Variants in SEMA6A observed in about 807,000 individuals in gnomAD.
SEMA6A encodes semaphorin 6A.
A neutral mutation model predicts 96.8 loss-of-function variants in SEMA6A; 25 were observed. That is an observed-to-expected ratio of 0.26 (90% CI 0.19 to 0.36). The LOEUF is 0.36. SEMA6A is among the 10% of genes least tolerant of loss of function. SEMA6A has a pLI of 1.00. For missense variants in SEMA6A, 1,363 were observed against 1,323.1 expected (o/e 1.03, Z -0.47); for synonymous variants, 612 against 518.0 (o/e 1.18, Z -2.46).
At chr5:116,478,432 A>T (rs779806094) in intron 13 of SEMA6A, 110 bp downstream of exon 13, 174 of 1,178,196 alleles carry the variant, frequency 1.5e-4, no homozygotes, top group South Asian at 6.0e-4. Flanking sequence ...AGCACTAAAA[A>T]GTCATCTAAA....
intron 16 of SEMA6A, among the ~76,000 whole-genome samples, chr5:116,474,305 C>CACACACACATCT (rs751871641): frequency 3.3e-5 from 5 of 151,888 alleles, no homozygotes; most frequent in Non-Finnish European, 7.4e-5. Context: ...CACACACACA[C>CACACACACATCT]ACACATCTTA....
intron 4 of SEMA6A, 98 bp downstream of exon 4, chr5:116,497,229 G>A: frequency 1.4e-6 from 1 of 700,164 alleles, no homozygotes; most frequent in Admixed American, 2.9e-5. Flanking sequence ...TCTAAATTAT[G>A]ATTAGCTACA....
intron 18 of SEMA6A, among the ~76,000 whole-genome samples, chr5:116,458,670 G>T (rs989465367): frequency 1.7e-4 from 26 of 152,166 alleles, no homozygotes; most frequent in African/African-American, 6.3e-4. Context: ...ACTCAAATAC[G>T]GGTGTGCAAA....
At chr5:116,490,625 G>A (rs1194102585) in intron 7 of SEMA6A, among the ~76,000 whole-genome samples, 1 of 152,144 alleles carries the variant, frequency 6.6e-6, no homozygotes, top group Non-Finnish European at 1.5e-5. Context: ...TTTAGGGGGA[G>A]AACCCGAGGA....
At chr5:116,535,806 T>TCAAGAGA (rs1759682600) in intron 1 of SEMA6A, among the ~76,000 whole-genome samples, 1 of 152,248 alleles carries the variant, frequency 6.6e-6, no homozygotes, top group Non-Finnish European at 1.5e-5. Context: ...ACTCTCTTGA[T>TCAAGAGA]TTTTCAACAA....
intron 18 of SEMA6A, among the ~76,000 whole-genome samples, chr5:116,451,820 C>T (rs1580441127): frequency 6.6e-6 from 1 of 151,994 alleles, no homozygotes; most frequent in Non-Finnish European, 1.5e-5. Flanking sequence ...AAAAATAAAT[C>T]TATAATGGTG....
At chr5:116,491,427 T>G (rs1329707008) in intron 7 of SEMA6A, among the ~76,000 whole-genome samples, 1 of 151,290 alleles carries the variant, frequency 6.6e-6, no homozygotes, top group African/African-American at 2.4e-5. Context: ...AAATTTAATT[T>G]TTTTTTTTTA....
chr5:116,542,420 A>G (rs1351837781), intron 1 of SEMA6A, among the ~76,000 whole-genome samples: 2 of 152,046 alleles, frequency 1.3e-5, no homozygotes, highest in African/African-American at 2.4e-5. Flanking sequence ...TTTTACAGGC[A>G]TATATCATTT....
chr5:116,474,533 A>G (rs1050515886), intron 16 of SEMA6A, among the ~76,000 whole-genome samples: 1 of 152,234 alleles, frequency 6.6e-6, no homozygotes, highest in African/African-American at 2.4e-5. Context: ...AATGAAAAAT[A>G]TGTATATGGC....
intron 4 of SEMA6A, among the ~76,000 whole-genome samples, chr5:116,497,078 G>A (rs1757638722): frequency 6.6e-6 from 1 of 152,204 alleles, no homozygotes; most frequent in South Asian, 2.1e-4. Context: ...TAAAAGAAAT[G>A]TAGAAATTAT....
At chr5:116,500,509 G>A (rs1019135004) in intron 3 of SEMA6A, among the ~76,000 whole-genome samples, 6 of 152,190 alleles carry the variant, frequency 3.9e-5, no homozygotes, top group African/African-American at 1.4e-4. Context: ...TACTGTATAA[G>A]TATTTGTAAA....
intron 1 of SEMA6A, chr5:116,550,098 G>C (rs1760342301): frequency 6.6e-6 from 1 of 152,144 alleles, no homozygotes; most frequent in Non-Finnish European, 1.5e-5. Flanking sequence ...AATTTTTTTA[G>C]AGGCACTTTA....
rs183210684 is a variant in SEMA6A at position 116,494,415 on chromosome 5, C to G, written c.444+998G>C. On this transcript the variant is annotated intron_variant, in intron 6 of 18. Coordinates refer to ENST00000343348, the MANE Select transcript of SEMA6A (RefSeq NM_020796.5). Reference sequence around the variant, plus strand: ...GGCACTATGTTAGGTTCTGGAGAATCACAGATGTGATCCCTGCCCTTGTAG... The same window carrying G: ...GGCACTATGTTAGGTTCTGGAGAATGACAGATGTGATCCCTGCCCTTGTAG... Among the ~76,000 whole-genome samples, 188 of 152,302 alleles carry G rather than the reference C, an allele frequency of 1.2e-3. 2 individuals carry two copies. The highest frequency in any genetic ancestry group is 4.2e-3 in the African/African-American group (176 of 41,566).
intron 1 of SEMA6A, among the ~76,000 whole-genome samples, chr5:116,522,027 C>A (rs1374698577): frequency 1.3e-5 from 2 of 152,044 alleles, no homozygotes; most frequent in Non-Finnish European, 2.9e-5. Context: ...GCATTCAGTA[C>A]CCCAGTGATT....
At chr5:116,518,991 C>T (rs935043489) in intron 1 of SEMA6A, among the ~76,000 whole-genome samples, 1 of 149,816 alleles carries the variant, frequency 6.7e-6, no homozygotes, top group Admixed American at 6.6e-5. Context: ...CTTTATCTCT[C>T]CTAAGAGTTA....
At chr5:116,454,970 C>T (rs1754915205) in intron 18 of SEMA6A, among the ~76,000 whole-genome samples, 1 of 152,094 alleles carries the variant, frequency 6.6e-6, no homozygotes, top group Admixed American at 6.6e-5. Context: ...GTCCTGAATT[C>T]AGAAGCTATT....
At chr5:116,558,304 A>G (rs1374206365) in intron 1 of SEMA6A, among the ~76,000 whole-genome samples, 1 of 152,194 alleles carries the variant, frequency 6.6e-6, no homozygotes, top group Non-Finnish European at 1.5e-5. Flanking sequence ...TTTTACTTTT[A>G]CTTTAAGTCT....
intron 1 of SEMA6A, among the ~76,000 whole-genome samples, chr5:116,524,346 T>C (rs893832801): frequency 1.3e-5 from 2 of 152,226 alleles, no homozygotes; most frequent in African/African-American, 4.8e-5. Flanking sequence ...AGTAACTGAC[T>C]ATTTATCATC....
intron 1 of SEMA6A, among the ~76,000 whole-genome samples, chr5:116,545,627 C>A (rs973120707): frequency 6.6e-6 from 1 of 152,150 alleles, no homozygotes; most frequent in Non-Finnish European, 1.5e-5. Flanking sequence ...GTTCCATCTG[C>A]GAGGAGCACC....
Sources: gnomAD v4.1 joint callset for allele counts (sites outside exome capture counted in the v4.1 genomes callset) on GRCh38, gnomAD v4.1.1 for gene constraint, MANE v1.5 for transcripts, NCBI Gene and HGNC (gene_info 2026-07-23, HGNC 2026-07-21) for gene names.